Variants in AP2B1 observed in about 807,000 individuals in gnomAD.
The protein encoded by AP2B1 is AP-2 complex subunit beta.
AP2B1 carries 23 observed loss-of-function variants against 102.0 expected under a neutral mutation model. That is an observed-to-expected ratio of 0.23 (90% confidence interval 0.16 to 0.32). The LOEUF is 0.32. Ranked by LOEUF, AP2B1 falls within the 10% of genes least tolerant of loss-of-function variation. AP2B1 has a pLI of 1.00. For synonymous variants in AP2B1, 381 were observed against 421.2 expected, an observed-to-expected ratio of 0.90 and a Z score of 1.17; for missense variants, 541 against 1,157.4, an observed-to-expected ratio of 0.47 and a Z score of 7.73.
At position 35,608,445 on chromosome 17, in the gene AP2B1, G is replaced by A. The variant is rs1598019297; in HGVS notation, c.525+58G>A. On this transcript the variant is annotated intron_variant, in intron 5 of 21. Coordinates refer to ENST00000610402, the MANE Select transcript of AP2B1 (RefSeq NM_001030006.2). Reference sequence around the variant, plus strand: ...TATTTAAAATGAGTCCCTTGTTAAAGCGTGTTTAATATGAACCTTGTCTTT... The same window carrying A: ...TATTTAAAATGAGTCCCTTGTTAAAACGTGTTTAATATGAACCTTGTCTTT... 6 of 1,596,482 alleles carry A rather than the reference G, an allele frequency of 3.8e-6. No individual in the cohort carries two copies. The South Asian group carries it at 4.5e-5, about 12-fold the overall frequency.
At chr17:35,619,422 T>G (rs1450861103) in intron 5 of AP2B1, among the ~76,000 whole-genome samples, 1 of 151,920 alleles carries the variant, frequency 6.6e-6, no homozygotes, top group Admixed American at 6.6e-5. Flanking sequence ...GCAGGAAGAT[T>G]GCCTGAGGCC....
chr17:35,720,776 C>G (rs1247580871), intron 21 of AP2B1, among the ~76,000 whole-genome samples: 1 of 150,956 alleles, frequency 6.6e-6, no homozygotes, highest in African/African-American at 2.4e-5. Context: ...ACTTCCTTGC[C>G]CTCTTTCCTA....
At chr17:35,595,390 T>A (rs1341526400) in intron 2 of AP2B1, among the ~76,000 whole-genome samples, 1 of 151,662 alleles carries the variant, frequency 6.6e-6, no homozygotes, top group Non-Finnish European at 1.5e-5. Context: ...TGAAAAAAAA[T>A]TTAAAAATTA....
chr17:35,658,329 G>A (rs9914155), intron 14 of AP2B1, among the ~76,000 whole-genome samples: 1,776 of 149,620 alleles, frequency 0.012, 39 homozygotes, highest in African/African-American at 0.041. Flanking sequence ...GTTGGGAAGG[G>A]CTGCTTGATT....
At chr17:35,591,058 C>T (rs8077045) in intron 1 of AP2B1, among the ~76,000 whole-genome samples, 1 of 150,762 alleles carries the variant, frequency 6.6e-6, no homozygotes, top group African/African-American at 2.4e-5. Flanking sequence ...CCTGTAGTCC[C>T]AGCTACTCTG....
At chr17:35,619,334 T>C (rs2074108197) in intron 5 of AP2B1, among the ~76,000 whole-genome samples, 1 of 152,178 alleles carries the variant, frequency 6.6e-6, no homozygotes, top group South Asian at 2.1e-4. Context: ...TAAGTAAAAA[T>C]ACAAATTGCT....
rs564431881 is a variant in AP2B1, at chr17:35,655,848, G to A, written c.1797-1751G>A. Among the ~76,000 whole-genome samples, 17 of 152,284 alleles carry A rather than the reference G, an allele frequency of 1.1e-4. No homozygotes were observed. The South Asian group carries it at 3.1e-3, about 28-fold the overall frequency. On this transcript the variant is annotated intron_variant, in intron 13 of 21. Transcript: ENST00000610402. Reference sequence around the variant, plus strand: ...GCCATTCTGGTGAGTGTATAGTGGTGTCTTGTTATAGTTTTAATTTGCATT... The same window carrying A: ...GCCATTCTGGTGAGTGTATAGTGGTATCTTGTTATAGTTTTAATTTGCATT...
chr17:35,720,563 ATATATATATATTTTTTTTTTT>A (rs2085339954), intron 21 of AP2B1, among the ~76,000 whole-genome samples: 1 of 49,656 alleles, frequency 2.0e-5, no homozygotes, highest in African/African-American at 7.7e-5. Flanking sequence ...ATATATATAT[ATATATATATATTTTTTTTTTT>A]TTTTTTTTTT....
At chr17:35,640,148 C>T (rs1297787301) in intron 11 of AP2B1, among the ~76,000 whole-genome samples, 4 of 151,920 alleles carry the variant, frequency 2.6e-5, no homozygotes, top group Non-Finnish European at 5.9e-5. Flanking sequence ...AACTCCTGAA[C>T]TTAGGTGATC....
chr17:35,723,106 A>T (rs1005449350), intron 21 of AP2B1, among the ~76,000 whole-genome samples: 1 of 152,148 alleles, frequency 6.6e-6, no homozygotes, highest in Non-Finnish European at 1.5e-5. Flanking sequence ...TTAGGGGTGT[A>T]TACTCTCCTC....
At chr17:35,596,511 ATTTC>A (rs1159781475) in intron 2 of AP2B1, among the ~76,000 whole-genome samples, 58 of 121,036 alleles carry the variant, frequency 4.8e-4, no homozygotes, top group African/African-American at 1.5e-3. Context: ...TGTCCCCACT[ATTTC>A]TTTCTTTTTT....
At chr17:35,676,132 C>A (rs1409679967) in intron 17 of AP2B1, among the ~76,000 whole-genome samples, 1 of 152,192 alleles carries the variant, frequency 6.6e-6, no homozygotes, top group Non-Finnish European at 1.5e-5. Context: ...CTTGCTGATT[C>A]TACCTGTAAA....
At chr17:35,708,902 G>A (rs922530006) in intron 18 of AP2B1, among the ~76,000 whole-genome samples, 12 of 152,092 alleles carry the variant, frequency 7.9e-5, no homozygotes, top group Non-Finnish European at 1.8e-4. Flanking sequence ...TCATTAATAG[G>A]TAACTTAGTA....
intron 9 of AP2B1, among the ~76,000 whole-genome samples, chr17:35,628,714 C>G (rs1031751971): frequency 6.6e-6 from 1 of 152,180 alleles, no homozygotes; most frequent in Non-Finnish European, 1.5e-5. Flanking sequence ...AAGTTTACTT[C>G]ATACACCCAC....
intron 18 of AP2B1, among the ~76,000 whole-genome samples, chr17:35,707,496 A>G (rs139983286): frequency 0.011 from 1,450 of 131,678 alleles, 18 homozygotes; most frequent in African/African-American, 0.04. Flanking sequence ...TTTGTCACCC[A>G]GGCTGGAGTG....
At chr17:35,608,013 T>C (rs779571389) in intron 4 of AP2B1, 129 bp from the exon 5 acceptor site, 1 of 1,095,428 alleles carries the variant, frequency 9.1e-7, no homozygotes, top group Non-Finnish European at 1.3e-6. Context: ...GCATGGAAGA[T>C]TGGAGCTCAT....
At chr17:35,635,783 A>G (rs1022179922) in intron 9 of AP2B1, among the ~76,000 whole-genome samples, 2 of 151,420 alleles carry the variant, frequency 1.3e-5, no homozygotes, top group Non-Finnish European at 2.9e-5. Flanking sequence ...TGCAGCCTCC[A>G]CCTCCCAGAT....
chr17:35,710,391 CT>C, intron 20 of AP2B1, 71 bp downstream of exon 20: 1 of 1,084,230 alleles, frequency 9.2e-7, no homozygotes. Context: ...TTTAATCTTT[CT>C]TTTGCCTACC....
intron 10 of AP2B1, among the ~76,000 whole-genome samples, chr17:35,638,439 C>A (rs2074671535): frequency 1.3e-5 from 2 of 152,120 alleles, no homozygotes; most frequent in African/African-American, 2.4e-5. Flanking sequence ...TTAATTACTT[C>A]TTTCTTTGGA....
Sources: allele counts gnomAD v4.1 joint callset (sites outside exome capture counted in the v4.1 genomes callset), GRCh38; gene constraint gnomAD v4.1.1; transcripts MANE v1.5; gene names NCBI Gene and HGNC (gene_info 2026-07-23, HGNC 2026-07-21).